The following RBFOX1 variants were observed in gnomAD, a reference collection of about 807,000 sequenced individuals.
RBFOX1 encodes the protein RNA binding protein fox-1 homolog 1.
RBFOX1 carries 8 observed loss-of-function variants against 57.7 expected under a neutral mutation model. The observed-to-expected ratio is 0.14, with a 90% CI of 0.08 to 0.25. The LOEUF is 0.25. Among genes scored for constraint, RBFOX1 ranks in the 10% least tolerant of loss-of-function variants. The pLI is 1.00. For missense variants in RBFOX1, 611 were observed against 548.5 expected (o/e 1.11, Z -1.14); for synonymous variants, 326 against 222.4 (o/e 1.47, Z -4.15).
chr16:6,968,121 C>G (rs1270316904), intron 3 of RBFOX1, among the ~76,000 whole-genome samples: 1 of 152,032 alleles, frequency 6.6e-6, no homozygotes, highest in Non-Finnish European at 1.5e-5. Context: ...AACTTGCAAC[C>G]CCGCACAGAC....
chr16:6,213,707 G>A (rs1231142635), intron 1 of RBFOX1, among the ~76,000 whole-genome samples: 1 of 152,188 alleles, frequency 6.6e-6, no homozygotes, highest in Non-Finnish European at 1.5e-5. Flanking sequence ...CTGTGCTTAA[G>A]AGCAAAGCTG....
intron 10 of RBFOX1, among the ~76,000 whole-genome samples, chr16:7,622,787 T>G (rs564413098): frequency 1.2e-4 from 18 of 152,172 alleles, no homozygotes; most frequent in Non-Finnish European, 2.4e-4. Flanking sequence ...CAGAGCAACA[T>G]TTTTTCTGCA....
intron 2 of RBFOX1, among the ~76,000 whole-genome samples, chr16:6,363,078 C>A (rs1265456323): frequency 2.0e-5 from 3 of 152,202 alleles, no homozygotes; most frequent in African/African-American, 7.2e-5. Context: ...ACTTGAAATT[C>A]TACCAGAAGA....
intron 3 of RBFOX1, among the ~76,000 whole-genome samples, chr16:5,814,960 A>G (rs954168013): frequency 6.6e-6 from 1 of 151,776 alleles, no homozygotes; most frequent in Non-Finnish European, 1.5e-5. Context: ...GAAAAAAAAA[A>G]AATTTTATTC....
chr16:5,695,934 A>G (rs192071528), intron 3 of RBFOX1, among the ~76,000 whole-genome samples: 1 of 152,302 alleles, frequency 6.6e-6, no homozygotes, highest in African/African-American at 2.4e-5. Context: ...TAAAAAATCG[A>G]TAAGAGAAGA....
intron 4 of RBFOX1, among the ~76,000 whole-genome samples, chr16:5,980,420 C>G (rs182537452): frequency 6.6e-6 from 1 of 152,086 alleles, no homozygotes; most frequent in Non-Finnish European, 1.5e-5. Context: ...TGGGGAGCTT[C>G]AGGGTGTCTC....
intron 4 of RBFOX1, among the ~76,000 whole-genome samples, chr16:7,198,345 T>C (rs1285017823): frequency 2.0e-5 from 3 of 152,196 alleles, no homozygotes; most frequent in Admixed American, 2.0e-4. Context: ...TGAAAATGTT[T>C]TGAAACTAGA....
chr16:7,658,465 T>C (rs1200827787), intron 12 of RBFOX1, among the ~76,000 whole-genome samples: 1 of 152,156 alleles, frequency 6.6e-6, no homozygotes, highest in African/African-American at 2.4e-5. Context: ...GAAGCCACAA[T>C]GCCCAGTCTA....
At chr16:6,278,590 G>A (rs139193927) in intron 1 of RBFOX1, among the ~76,000 whole-genome samples, 2 of 151,764 alleles carry the variant, frequency 1.3e-5, no homozygotes, top group African/African-American at 4.8e-5. Flanking sequence ...GAGCTTTTTC[G>A]TAGATTATCG....
At chr16:6,320,896 C>T (rs958202252) in intron 2 of RBFOX1, among the ~76,000 whole-genome samples, 22 of 152,236 alleles carry the variant, frequency 1.4e-4, no homozygotes, top group Admixed American at 2.0e-4. Context: ...TGGGTTCAAG[C>T]GATTATCCTG....
intron 4 of RBFOX1, among the ~76,000 whole-genome samples, chr16:7,456,407 C>T (rs1361042780): frequency 2.0e-5 from 3 of 152,094 alleles, no homozygotes; most frequent in Non-Finnish European, 4.4e-5. Flanking sequence ...TTTTATGGGC[C>T]GGGATTAATT....
At chr16:5,700,637 T>C (rs1462897228) in intron 3 of RBFOX1, among the ~76,000 whole-genome samples, 1 of 152,226 alleles carries the variant, frequency 6.6e-6, no homozygotes, top group Admixed American at 6.5e-5. Flanking sequence ...TCTGGAAAAT[T>C]CTCCATAATG....
intron 1 of RBFOX1, among the ~76,000 whole-genome samples, chr16:5,295,005 G>A (rs1245086458): frequency 9.7e-6 from 1 of 102,822 alleles, no homozygotes; most frequent in Non-Finnish European, 2.5e-5. Flanking sequence ...ACTCCAGCCT[G>A]GGTGACAGAG....
downstream of RBFOX1, among the ~76,000 whole-genome samples, chr16:5,603,111 C>G (rs200957590): frequency 5.3e-5 from 8 of 152,206 alleles, no homozygotes; most frequent in Admixed American, 4.6e-4. Context: ...CCAGTCAGCT[C>G]TACTTTTTCT....
At chr16:7,696,162 A>G (rs1254461908) in intron 14 of RBFOX1, among the ~76,000 whole-genome samples, 2 of 152,188 alleles carry the variant, frequency 1.3e-5, no homozygotes, top group Non-Finnish European at 2.9e-5. Flanking sequence ...CTAATTTACA[A>G]GGATATCTAT....
intron 2 of RBFOX1, among the ~76,000 whole-genome samples, chr16:6,444,255 C>T (rs1051996429): frequency 6.6e-6 from 1 of 152,044 alleles, no homozygotes; most frequent in Non-Finnish European, 1.5e-5. Context: ...TATGCTCTCC[C>T]CAGGACCCGG....
At chr16:5,936,234 G>C (rs745821937) in intron 4 of RBFOX1, among the ~76,000 whole-genome samples, 2 of 152,092 alleles carry the variant, frequency 1.3e-5, no homozygotes, top group South Asian at 2.1e-4. Flanking sequence ...AGCGATTCTC[G>C]TGCCTCAGCA....
At chr16:6,508,398 C>T (rs1241361333) in intron 2 of RBFOX1, among the ~76,000 whole-genome samples, 2 of 152,116 alleles carry the variant, frequency 1.3e-5, no homozygotes, top group Non-Finnish European at 2.9e-5. Flanking sequence ...AGACTTAACA[C>T]TCCTGAACTG....
chr16:6,626,823 G>T (rs984719416), intron 2 of RBFOX1, among the ~76,000 whole-genome samples: 24 of 152,096 alleles, frequency 1.6e-4, no homozygotes, highest in African/African-American at 5.8e-4. Context: ...TTTATCACCA[G>T]TGAGGCTGTG....
Sources: allele counts gnomAD v4.1 joint callset (sites outside exome capture counted in the v4.1 genomes callset), GRCh38; gene constraint gnomAD v4.1.1; transcripts MANE v1.5; gene names NCBI Gene and HGNC (gene_info 2026-07-23, HGNC 2026-07-21).